Variants in DRAXIN observed in about 807,000 individuals in gnomAD.
DRAXIN encodes the protein dorsal inhibitory axon guidance protein.
Under a neutral mutation model 33.9 loss-of-function variants are expected in DRAXIN, and 27 were observed. The ratio of observed to expected loss-of-function variants is 0.80; its 90% CI spans 0.59 to 1.10. DRAXIN has a LOEUF of 1.10. Ranked by LOEUF, DRAXIN falls within the 50% of genes least tolerant of loss-of-function variation. The probability of loss-of-function intolerance (pLI) is 0.00; values close to 1 mark genes in which losing one functional copy is unlikely to be tolerated. For missense variants in DRAXIN, 371 were observed against 460.8 expected (o/e 0.81, Z 1.78); for synonymous variants, 178 against 194.0 (o/e 0.92, Z 0.69).
intron 1 of DRAXIN, among the ~76,000 whole-genome samples, chr1:11,703,275 C>T (rs1202119730): frequency 1.3e-5 from 2 of 152,152 alleles, no homozygotes; most frequent in African/African-American, 4.8e-5. Context: ...GCGGAGAGCA[C>T]ATGGAGTCAG....
chr1:11,709,480 A>C lies in DRAXIN; in HGVS notation c.642+15A>C. On this transcript the variant is annotated intron_variant, in intron 3 of 6. Transcript: ENST00000294485. Reference sequence around the variant, plus strand: ...TGCGGCCCCAGGTAAGGGGTCCCCAAACAGCCTCGGATCTGGAAGGGTCCT... The same window carrying C: ...TGCGGCCCCAGGTAAGGGGTCCCCACACAGCCTCGGATCTGGAAGGGTCCT... 6.2e-7 allele frequency: 1 copy of C among 1,607,844 alleles called. No homozygotes were observed. The highest frequency in any genetic ancestry group is 1.7e-5 in the Admixed American group (1 of 59,326).
chr1:11,720,471 G>C lies in DRAXIN; in HGVS notation c.*775G>C, dbSNP rs1362583629. The C allele has an allele frequency of 2.6e-5, 4 of 151,980 alleles. No individual in the cohort carries two copies. The highest frequency in any genetic ancestry group is 6.6e-5 in the Admixed American group (1 of 15,178). The allele number at this position is 151,980 out of a possible 1,614,324, so 9.4% of individuals were successfully genotyped here. ...AGGCCAGGCGCGGTGGTGCACACCTGTAATCCCAGCTACTCGGAGGCTGAG... is the reference window on the plus strand; with the variant it reads ...AGGCCAGGCGCGGTGGTGCACACCTCTAATCCCAGCTACTCGGAGGCTGAG... On this transcript the variant is annotated 3_prime_UTR_variant, in exon 7 of 7. Coordinates refer to ENST00000294485, the MANE Select transcript of DRAXIN (RefSeq NM_198545.4).
intron 1 of DRAXIN, among the ~76,000 whole-genome samples, chr1:11,697,280 C>G (rs1641208368): frequency 6.6e-6 from 1 of 152,170 alleles, no homozygotes; most frequent in African/African-American, 2.4e-5. Context: ...AGACCTGTGG[C>G]CTCTCACCCG....
intron 1 of DRAXIN, among the ~76,000 whole-genome samples, chr1:11,700,325 C>T (rs1287944796): frequency 6.6e-6 from 1 of 152,236 alleles, no homozygotes; most frequent in African/African-American, 2.4e-5. Context: ...CAGTTACACT[C>T]ATGGATGTGA....
Position 11,695,253 on chromosome 1 carries a change from C to T in DRAXIN, c.-11+3400C>T, listed in dbSNP as rs561202607. ...TGGTCATTGTCTTAATGTTCCTACACAGCCATTGTTGCTATTACCATCTGA... is the reference window on the plus strand; with the variant it reads ...TGGTCATTGTCTTAATGTTCCTACATAGCCATTGTTGCTATTACCATCTGA... On this transcript the variant is annotated intron_variant, in intron 1 of 6. Transcript: ENST00000294485. Among the ~76,000 whole-genome samples, 13 of 152,274 alleles carry T rather than the reference C, an allele frequency of 8.5e-5. 1 individual carries two copies. The South Asian group carries it at 2.7e-3, about 32-fold the overall frequency.
chr1:11,691,279 T>TG (rs1641059748), upstream of DRAXIN: 1 of 152,228 alleles, frequency 6.6e-6, no homozygotes, highest in Non-Finnish European at 1.5e-5. Context: ...GCTCCATTGT[T>TG]GGGGTCCACC....
rs1482701506 is a variant in DRAXIN, at chr1:11,723,894, G to C, written c.*4198G>C. On this transcript the variant is annotated 3_prime_UTR_variant, in exon 7 of 7. Transcript: ENST00000294485. ...AGGCATGAGCCAGCATGCCTGGCCTGTGAACGCAGAATTCTTATAAGGTGT... is the reference window on the plus strand; with the variant it reads ...AGGCATGAGCCAGCATGCCTGGCCTCTGAACGCAGAATTCTTATAAGGTGT... The C allele has an allele frequency of 6.6e-6, 1 of 152,156 alleles. No homozygotes were observed. Among genetic ancestry groups the C allele is most frequent in the Admixed American group, 6.6e-5 (1 of 15,264 alleles). 9.4% of individuals were successfully genotyped at this position (152,156 alleles called of 1,614,324 possible).
chr1:11,696,348 G>A lies in DRAXIN; in HGVS notation c.-11+4495G>A, dbSNP rs1472797166. ...CACGCCTGTAATCCCAGCACTTTGG[G>A]AGACAGAGGCAGGCGGATCATGAGG... On this transcript the variant is annotated intron_variant, in intron 1 of 6. Coordinates refer to ENST00000294485, the MANE Select transcript of DRAXIN (RefSeq NM_198545.4). The surrounding 1 kb of genome is among the most constrained non-coding windows in gnomAD (Gnocchi z 4.7). Among the ~76,000 whole-genome samples the A allele has an allele frequency of 6.6e-6, 1 of 152,196 alleles. No homozygotes were observed. Among genetic ancestry groups the A allele is most frequent in the Non-Finnish European group, 1.5e-5 (1 of 68,038 alleles).
chr1:11,711,965 G>A lies in DRAXIN; in HGVS notation c.757G>A (p.Glu253Lys). ...TGGTTGGCCCTCTGCAAAGAAGAAA[G>A]GTATGCCCACCTACCCCACTATCTT... ...PDGWPSAKKK[E>K]KHRGKLSSDG... The change falls in exon 4 of 7, where the codon GAG becomes AAG. Residue 253 changes from glutamate (E) to lysine (K), a missense_variant and splice_region_variant. Glu to Lys is a moderately conservative substitution (Grantham distance 56). Transcript: ENST00000294485. The A allele has an allele frequency of 6.2e-7, 1 of 1,611,160 alleles. No homozygotes were observed. Among genetic ancestry groups the A allele is most frequent in the Non-Finnish European group, 8.5e-7 (1 of 1,178,480 alleles).
At position 11,711,913 on chromosome 1, in the gene DRAXIN, G is replaced by C; in HGVS notation, c.705G>C (p.Trp235Cys). 1 of 1,613,914 alleles carries C rather than the reference G, an allele frequency of 6.2e-7. No individual in the cohort carries two copies. The highest frequency in any genetic ancestry group is 8.5e-7 in the Non-Finnish European group (1 of 1,179,944). The change falls in exon 4 of 7, where the codon TGG becomes TGC. Residue 235 changes from tryptophan to cysteine, a missense_variant. By Grantham distance (215) the Trp-to-Cys change is radical. Transcript: ENST00000294485. ...CGCTGGACATGGCCTTGTTCGACTGGACCGATTATGAAGACTTAAAACCTG... is the reference window on the plus strand; with the variant it reads ...CGCTGGACATGGCCTTGTTCGACTGCACCGATTATGAAGACTTAAAACCTG... ...MPTLDMALFD[W>C]TDYEDLKPDG...
intron 1 of DRAXIN, among the ~76,000 whole-genome samples, chr1:11,698,299 T>G (rs780964457): frequency 8.5e-5 from 13 of 152,188 alleles, no homozygotes; most frequent in Admixed American, 3.9e-4. Context: ...TATGACTGTT[T>G]TGACTGAACA....
chr1:11,707,216 T>C (rs1199108309), intron 2 of DRAXIN, among the ~76,000 whole-genome samples: 1 of 152,150 alleles, frequency 6.6e-6, no homozygotes, highest in Non-Finnish European at 1.5e-5. Flanking sequence ...ATAATAATAA[T>C]AATCTGTCTT....
At chr1:11,713,729 T>C (rs1048607270) in intron 5 of DRAXIN, among the ~76,000 whole-genome samples, 12 of 151,788 alleles carry the variant, frequency 7.9e-5, no homozygotes, top group Non-Finnish European at 1.0e-4. Context: ...TCTCCAAAAA[T>C]AGTAATAATT....
intron 1 of DRAXIN, among the ~76,000 whole-genome samples, chr1:11,693,697 A>G (rs1641141021): frequency 1.3e-5 from 2 of 152,076 alleles, no homozygotes; most frequent in Non-Finnish European, 2.9e-5. Flanking sequence ...ACTTTGGTGA[A>G]CCCGGCCCTT....
At chr1:11,707,029 G>A (rs1462114700) in intron 2 of DRAXIN, among the ~76,000 whole-genome samples, 4 of 152,022 alleles carry the variant, frequency 2.6e-5, no homozygotes, top group Non-Finnish European at 5.9e-5. Context: ...GTGAAACCCC[G>A]TCTCTACTAA....
intron 4 of DRAXIN, 134 bp from the exon 5 acceptor site, chr1:11,712,206 C>A: frequency 1.9e-6 from 2 of 1,053,248 alleles, no homozygotes; most frequent in Non-Finnish European, 2.9e-6. Context: ...GGGAAAATAC[C>A]TGTTAGGTCC....
In DRAXIN at chr1:11,723,902, A is replaced by C. The variant is rs1384221315; in HGVS notation, c.*4206A>C. ...GCCAGCATGCCTGGCCTGTGAACGC[A>C]GAATTCTTATAAGGTGTTTAGAACA... On this transcript the variant is annotated 3_prime_UTR_variant, in exon 7 of 7. Transcript: ENST00000294485. The C allele has an allele frequency of 6.6e-6, 1 of 152,162 alleles. No homozygotes were observed. Among genetic ancestry groups the C allele is most frequent in the Non-Finnish European group, 1.5e-5 (1 of 68,032 alleles). 9.4% of individuals were successfully genotyped at this position (152,162 alleles called of 1,614,324 possible). A position where few individuals can be genotyped will look rare whatever the true frequency, so the allele number is the denominator to read the frequency against.
intron 6 of DRAXIN, among the ~76,000 whole-genome samples, chr1:11,718,879 G>A (rs986586196): frequency 6.6e-6 from 1 of 150,928 alleles, no homozygotes; most frequent in Non-Finnish European, 1.5e-5. Context: ...GCAATCATGT[G>A]GTAGATTTGT....
chr1:11,713,152 C>T (rs576357226), intron 5 of DRAXIN, among the ~76,000 whole-genome samples: 12 of 151,702 alleles, frequency 7.9e-5, no homozygotes, highest in East Asian at 7.8e-4. Flanking sequence ...GAGCTGAGAT[C>T]GTGCCATTGC....
Sources: gnomAD v4.1 joint callset for allele counts (sites outside exome capture counted in the v4.1 genomes callset) on GRCh38, gnomAD v4.1.1 for gene constraint, Gnocchi (gnomAD v3.1) non-coding constraint, MANE v1.5 for transcripts, NCBI Gene and HGNC (gene_info 2026-07-23, HGNC 2026-07-21) for gene names.